Variants in MGA observed in about 807,000 individuals in gnomAD.
MGA encodes MAX gene-associated protein.
In MGA, 40 loss-of-function variants were observed where a neutral mutation model predicts 261.1. That is an observed-to-expected ratio of 0.15 (90% CI 0.12 to 0.20). The LOEUF (loss-of-function observed/expected upper bound fraction) is 0.20, where lower values mean the gene tolerates loss of function less well. Among genes scored for constraint, MGA ranks in the 10% least tolerant of loss-of-function variants. MGA has a pLI of 1.00. For synonymous variants in MGA, 1,302 were observed against 1,290.6 expected (o/e 1.01, Z -0.19); for missense variants, 3,397 against 3,630.5 (o/e 0.94, Z 1.65).
rs756182913 is a variant in MGA at position 41,696,358 on chromosome 15, C to T, written c.1348C>T (p.Pro450Ser). ...ATCTTCTAAATGGCTTCCAAGCAGC[C>T]CATCAGGTGTTGCTAAAGCTAAAAT... is the stretch of plus-strand genomic sequence containing the variant. Residue 450 changes from proline (P) to serine (S), a missense_variant, in exon 3 of 24, where the codon CCA becomes TCA. Coordinates refer to ENST00000219905, the MANE Select transcript of MGA (RefSeq NM_001164273.2). 1 of 1,613,918 alleles carries T rather than the reference C, an allele frequency of 6.2e-7. No individual in the cohort carries two copies. The highest frequency in any genetic ancestry group is 1.1e-5 in the South Asian group (1 of 91,074).
chr15:41,649,631 T>G (rs962323035), intron 1 of MGA, among the ~76,000 whole-genome samples: 6 of 152,106 alleles, frequency 3.9e-5, no homozygotes, highest in African/African-American at 9.7e-5. Flanking sequence ...AGAAAAGTCT[T>G]ACTGGGTTCT....
At chr15:41,761,028 C>T (rs1291278597) in intron 20 of MGA, among the ~76,000 whole-genome samples, 1 of 152,250 alleles carries the variant, frequency 6.6e-6, no homozygotes, top group Non-Finnish European at 1.5e-5. Context: ...ACCTCAGCCT[C>T]CCAAAGTGCT....
chr15:41,727,474 C>T (rs1350385042), intron 10 of MGA, 68 bp downstream of exon 10: 3 of 1,423,836 alleles, frequency 2.1e-6, no homozygotes, highest in Non-Finnish European at 2.9e-6. Context: ...GTGTTTCAAG[C>T]AGATTTTTGG....
intron 13 of MGA, among the ~76,000 whole-genome samples, chr15:41,737,281 C>A (rs1040634681): frequency 6.6e-6 from 1 of 151,850 alleles, no homozygotes; most frequent in African/African-American, 2.4e-5. Context: ...TGTGACACCA[C>A]ACCTGGCTAA....
At chr15:41,660,906 C>T (rs1009257060) in intron 1 of MGA, among the ~76,000 whole-genome samples, 1 of 152,198 alleles carries the variant, frequency 6.6e-6, no homozygotes, top group Non-Finnish European at 1.5e-5. Flanking sequence ...TCGCCCGGCG[C>T]CGGGCTCTAG....
At chr15:41,658,446 C>G (rs1167495912), upstream of MGA, among the ~76,000 whole-genome samples, 1 of 151,878 alleles carries the variant, frequency 6.6e-6, no homozygotes, top group Admixed American at 6.6e-5. Flanking sequence ...TTACTCAAAG[C>G]AAACAAAAAA....
intron 11 of MGA, among the ~76,000 whole-genome samples, chr15:41,730,843 A>C (rs1197819513): frequency 1.3e-5 from 2 of 152,208 alleles, no homozygotes; most frequent in African/African-American, 2.4e-5. Flanking sequence ...AGTTGCAGCA[A>C]TTCGAGCATT....
intron 2 of MGA, among the ~76,000 whole-genome samples, chr15:41,689,956 C>G (rs2059182755): frequency 6.6e-6 from 1 of 152,150 alleles, no homozygotes; most frequent in African/African-American, 2.4e-5. Flanking sequence ...ATTCACCTAC[C>G]AACTGAAAGT....
chr15:41,708,843 T>C (rs769340501), intron 7 of MGA, among the ~76,000 whole-genome samples: 1 of 152,246 alleles, frequency 6.6e-6, no homozygotes, highest in African/African-American at 2.4e-5. Flanking sequence ...TATAGTCTTA[T>C]ACTTCAAACT....
At chr15:41,682,068 C>T (rs1368119198) in intron 2 of MGA, among the ~76,000 whole-genome samples, 1 of 152,002 alleles carries the variant, frequency 6.6e-6, no homozygotes, top group Non-Finnish European at 1.5e-5. Context: ...CAGGCATGTG[C>T]CACCATGCCC....
chr15:41,677,946 T>C (rs1182045384), intron 2 of MGA, among the ~76,000 whole-genome samples: 1 of 152,186 alleles, frequency 6.6e-6, no homozygotes, highest in African/African-American at 2.4e-5. Context: ...ACAATTTTCC[T>C]ATTCTTTATT....
chr15:41,724,225 A>C (rs914496717), intron 9 of MGA, among the ~76,000 whole-genome samples: 3 of 152,226 alleles, frequency 2.0e-5, no homozygotes, highest in Admixed American at 2.0e-4. Flanking sequence ...GAACCTCTTA[A>C]TACCACCTTC....
chr15:41,683,778 G>A (rs985014639), intron 2 of MGA, among the ~76,000 whole-genome samples: 3 of 151,378 alleles, frequency 2.0e-5, no homozygotes, highest in Admixed American at 2.0e-4. Flanking sequence ...ATGGGGTTTC[G>A]CCATGTTGCC....
intron 9 of MGA, among the ~76,000 whole-genome samples, chr15:41,722,917 TTATTG>T (rs1341282465): frequency 6.6e-6 from 1 of 152,184 alleles, no homozygotes; most frequent in Admixed American, 6.6e-5. Flanking sequence ...AGATACATAT[TTATTG>T]TAATTTTAAG....
intron 15 of MGA, among the ~76,000 whole-genome samples, chr15:41,746,213 A>G (rs2062456079): frequency 6.6e-6 from 1 of 152,216 alleles, no homozygotes; most frequent in Non-Finnish European, 1.5e-5. Flanking sequence ...TGAAAAATTA[A>G]GAATGCATTA....
intron 9 of MGA, among the ~76,000 whole-genome samples, chr15:41,726,652 A>G (rs1216941968): frequency 6.6e-6 from 1 of 151,786 alleles, no homozygotes; most frequent in Non-Finnish European, 1.5e-5. Context: ...TCTCCTGAAC[A>G]TGGGAGGCAG....
chr15:41,657,940 T>C (rs578056364), upstream of MGA, among the ~76,000 whole-genome samples: 2 of 152,296 alleles, frequency 1.3e-5, no homozygotes, highest in South Asian at 4.1e-4. Context: ...GTTGTGCCAA[T>C]CTTTGGGGTT....
chr15:41,745,815 A>G (rs2062431744), intron 15 of MGA, among the ~76,000 whole-genome samples: 4 of 152,160 alleles, frequency 2.6e-5, no homozygotes, highest in Admixed American at 2.6e-4. Flanking sequence ...TGTGTTGTCC[A>G]GGCTGGTCTT....
chr15:41,649,148 C>A (rs888318363), intron 1 of MGA, among the ~76,000 whole-genome samples: 2 of 152,056 alleles, frequency 1.3e-5, no homozygotes, highest in Non-Finnish European at 2.9e-5. Context: ...CTTTGGGAGG[C>A]TGAGGCGGGT....
Sources: gnomAD v4.1 joint callset for allele counts (sites outside exome capture counted in the v4.1 genomes callset) on GRCh38, gnomAD v4.1.1 for gene constraint, MANE v1.5 for transcripts, NCBI Gene and HGNC (gene_info 2026-07-23, HGNC 2026-07-21) for gene names.